The following UBQLN4 variants were observed in gnomAD, a reference collection of about 807,000 sequenced individuals.
UBQLN4 encodes ubiquilin 4, also known as ubiquilin-4.
In UBQLN4, 11 loss-of-function variants were observed where a neutral mutation model predicts 60.4. The observed-to-expected ratio is 0.18, with a 90% CI of 0.11 to 0.30. UBQLN4 has a LOEUF of 0.30. UBQLN4 is among the 10% of genes least tolerant of loss of function. The pLI is 1.00. For synonymous variants in UBQLN4, 258 were observed against 313.1 expected, an observed-to-expected ratio of 0.82 and a Z score of 1.86; for missense variants, 417 against 795.5, an observed-to-expected ratio of 0.52 and a Z score of 5.72.
chr1:156,053,696 C>A lies in UBQLN4; in HGVS notation c.6G>T (p.Ala2=), dbSNP rs1164730932. ...GCCTCGTCTCGGCCCCGCTCGGCTC[C>A]GCCATGCCGCCGCCGCCACCCGGCC... M[A]EPSGAETRPP... is the part of the protein sequence containing the mutation. Residue 2 remains alanine, a synonymous_variant, in exon 1 of 11, where the codon GCG becomes GCT. Transcript: ENST00000368309. The A allele has an allele frequency of 7.8e-7, 1 of 1,283,008 alleles. No homozygotes were observed. Among genetic ancestry groups the A allele is most frequent in the Non-Finnish European group, 9.9e-7 (1 of 1,010,118 alleles). 79.5% of individuals were successfully genotyped at this position (1,283,008 alleles called of 1,614,324 possible).
chr1:156,047,760 T>C (rs1382328371), intron 5 of UBQLN4, among the ~76,000 whole-genome samples: 1 of 150,502 alleles, frequency 6.6e-6, no homozygotes, highest in Non-Finnish European at 1.5e-5. Flanking sequence ...CCGGGCGTGG[T>C]GGCATGTACC....
chr1:156,035,303 A>T lies in UBQLN4; in HGVS notation c.*1675T>A, dbSNP rs138230883. On this transcript the variant is annotated 3_prime_UTR_variant, in exon 11 of 11. Coordinates refer to ENST00000368309, the MANE Select transcript of UBQLN4 (RefSeq NM_020131.5). ...AAAAAACAAACGCCAACACACTCTC[A>T]CAACAAAGACCACGCCATTTATTTA... is the stretch of plus-strand genomic sequence containing the variant. 1,365 of 985,468 alleles carry T rather than the reference A, an allele frequency of 1.4e-3. 4 individuals are homozygous for T. Among genetic ancestry groups the T allele is most frequent in the Non-Finnish European group, 1.5e-3 (1,278 of 829,922 alleles). The allele number at this position is 985,468 out of a possible 1,614,324, so 61.0% of individuals were successfully genotyped here.
chr1:156,034,319 C>T (rs374652301), downstream of UBQLN4, among the ~76,000 whole-genome samples: 9 of 98,442 alleles, frequency 9.1e-5, no homozygotes, highest in Admixed American at 1.4e-4. Context: ...TTTTTTGAGA[C>T]GGAGTCTTGC....
chr1:156,039,703 C>T (rs1202490847), intron 10 of UBQLN4, among the ~76,000 whole-genome samples: 2 of 151,436 alleles, frequency 1.3e-5, no homozygotes, highest in African/African-American at 4.9e-5. Flanking sequence ...TTTGGGAGAC[C>T]GAGGCAGGTG....
intron 5 of UBQLN4, among the ~76,000 whole-genome samples, chr1:156,046,458 A>G (rs1209554357): frequency 2.0e-5 from 3 of 151,616 alleles, no homozygotes; most frequent in Non-Finnish European, 2.9e-5. Flanking sequence ...AGATCACGCC[A>G]TTGCACTCCA....
downstream of UBQLN4, among the ~76,000 whole-genome samples, chr1:156,031,486 C>A (rs1362737980): frequency 6.6e-6 from 1 of 152,136 alleles, no homozygotes; most frequent in African/African-American, 2.4e-5. Context: ...AAAGAACCAC[C>A]TCCCAGTTAG....
downstream of UBQLN4, chr1:156,033,260 G>A: frequency 1.0e-6 from 1 of 985,466 alleles, no homozygotes; most frequent in Non-Finnish European, 1.2e-6. Context: ...GATCTCCACG[G>A]GGCTCCAAGG....
chr1:156,031,774 C>T (rs1486407422), downstream of UBQLN4, among the ~76,000 whole-genome samples: 4 of 151,434 alleles, frequency 2.6e-5, no homozygotes, highest in Admixed American at 1.3e-4. Flanking sequence ...TTAGTAGAGA[C>T]GGGGTTTCGC....
intron 2 of UBQLN4, 132 bp from the exon 3 acceptor site, chr1:156,051,459 T>C: frequency 1.6e-6 from 2 of 1,238,978 alleles, no homozygotes; most frequent in Non-Finnish European, 2.3e-6. Context: ...GAGGCTGGAG[T>C]GGGGTGATGG....
intron 4 of UBQLN4, among the ~76,000 whole-genome samples, chr1:156,049,159 T>C (rs1558090033): frequency 1.3e-5 from 2 of 152,208 alleles, no homozygotes; most frequent in Non-Finnish European, 2.9e-5. Context: ...GGCTCAGAGA[T>C]GTTAATTGAC....
Position 156,051,290 on chromosome 1 carries a change from A to G in UBQLN4, c.298T>C (p.Ser100Pro). 1 of 1,561,378 alleles carries G rather than the reference A, an allele frequency of 6.4e-7. No individual in the cohort carries two copies. The highest frequency in any genetic ancestry group is 1.4e-5 in the African/African-American group (1 of 73,662). Residue 100 changes from serine (S) to proline (P), a missense_variant, in exon 3 of 11, where the codon TCC becomes CCC. By Grantham distance (74) the Ser-to-Pro change is moderately conservative. Coordinates refer to ENST00000368309, the MANE Select transcript of UBQLN4 (RefSeq NM_020131.5). ...DPAAATASSP[S>P]TPDPASAPST... is the part of the protein sequence containing the mutation. ...GGTGCTGAGGCAGGGTCAGGTGTGG[A>G]GGGGGAAGAAGCAGTGGCAGCAGCT...
chr1:156,053,551 A>G, intron 1 of UBQLN4, 43 bp downstream of exon 1: 759 of 488,448 alleles, frequency 1.6e-3, no homozygotes, highest in Middle Eastern at 2.3e-3. Context: ...CTCTTCGCAG[A>G]CCCCTCCTCC....
At chr1:156,042,743 C>T (rs767885480) in intron 7 of UBQLN4, 31 bp downstream of exon 7, 3 of 1,609,120 alleles carry the variant, frequency 1.9e-6, no homozygotes, top group Middle Eastern at 4.0e-4. Flanking sequence ...ACTCTCTCCC[C>T]AACAATACTC....
chr1:156,042,983 A>G, intron 6 of UBQLN4, 70 bp from the exon 7 acceptor site: 5 of 1,558,118 alleles, frequency 3.2e-6, no homozygotes, highest in Non-Finnish European at 4.3e-6. Context: ...CCTCACTTCA[A>G]TCTACCTTAC....
chr1:156,041,619 C>T lies in UBQLN4; in HGVS notation c.1519G>A (p.Ala507Thr), dbSNP rs750050793. The change falls in exon 10 of 11, where the codon GCA (alanine) becomes ACA (threonine). Residue 507 changes from alanine to threonine, a missense_variant. By Grantham distance (58) the Ala-to-Thr change is moderately conservative (BLOSUM62 0). Transcript: ENST00000368309. The part of the protein sequence containing the change: ...RTPAPSAGSN[A>T]GSTPEAPTSS... ...GTGGGGGCCTCGGGCGTAGACCCTG[C>T]GTTGCTGCCTGCTGAGGGTGCTGGG... is the stretch of plus-strand genomic sequence containing the variant. 8.1e-6 allele frequency: 13 copies of T among 1,604,786 alleles called. No individual in the cohort carries two copies. In the South Asian group the frequency reaches 1.4e-4, roughly 18 times the overall value.
At chr1:156,031,736 G>T (rs1367611330), downstream of UBQLN4, among the ~76,000 whole-genome samples, 2 of 151,932 alleles carry the variant, frequency 1.3e-5, no homozygotes, top group Admixed American at 1.3e-4. Context: ...ATGCCACCAG[G>T]CCTGGCTAAT....
chr1:156,037,885 A>T (rs2102738664), intron 10 of UBQLN4, among the ~76,000 whole-genome samples: 1 of 152,272 alleles, frequency 6.6e-6, no homozygotes, highest in Non-Finnish European at 1.5e-5. Flanking sequence ...ATTTTGTTTC[A>T]CTGATCAACA....
At chr1:156,046,821 GA>G (rs1170988135) in intron 5 of UBQLN4, among the ~76,000 whole-genome samples, 1 of 152,136 alleles carries the variant, frequency 6.6e-6, no homozygotes, top group African/African-American at 2.4e-5. Context: ...CAGCCTGGGC[GA>G]AACAGTGAGA....
chr1:156,040,116 G>A (rs58044427), intron 10 of UBQLN4, among the ~76,000 whole-genome samples: 40 of 151,802 alleles, frequency 2.6e-4, no homozygotes, highest in Non-Finnish European at 4.9e-4. Context: ...CTTTCTGGAC[G>A]GGTGTGGTGG....
Sources: allele counts gnomAD v4.1 joint callset (sites outside exome capture counted in the v4.1 genomes callset), GRCh38; gene constraint gnomAD v4.1.1; transcripts MANE v1.5; gene names NCBI Gene and HGNC (gene_info 2026-07-23, HGNC 2026-07-21).